The following CACNA1D variants were observed in gnomAD, a reference collection of about 807,000 sequenced individuals.
The protein encoded by CACNA1D is voltage-dependent L-type calcium channel subunit alpha-1D.
CACNA1D carries 55 observed loss-of-function variants against 257.1 expected under a neutral mutation model. The ratio of observed to expected loss-of-function variants is 0.21; its 90% confidence interval spans 0.17 to 0.27. The LOEUF (loss-of-function observed/expected upper bound fraction) is 0.27, where lower values mean the gene tolerates loss of function less well. Among genes scored for constraint, CACNA1D ranks in the 10% least tolerant of loss-of-function variants. CACNA1D has a pLI of 1.00. For missense variants in CACNA1D, 1,876 were observed against 2,784.0 expected (o/e 0.67, Z 7.34); for synonymous variants, 980 against 1,014.9 (o/e 0.97, Z 0.65).
Position 53,494,922 on chromosome 3 carries a change from T to A in CACNA1D, c.-245T>A, listed in dbSNP as rs975918036. ...ATATATACATTGGATTTTATTTTTT[T>A]AAAAAGTTTATTTTGCTCCATTTTT... On this transcript the variant is annotated 5_prime_UTR_variant, in exon 1 of 48. Transcript: ENST00000350061. 1.0e-4 allele frequency: 53 copies of A among 517,160 alleles called. No homozygotes were observed. Among genetic ancestry groups the A allele is most frequent in the Middle Eastern group, 1.0e-3 (2 of 1,922 alleles). The allele number at this position is 517,160 out of a possible 1,614,324, so 32.0% of individuals were successfully genotyped here.
At chr3:53,752,120 T>C (rs972766146) in intron 28 of CACNA1D, among the ~76,000 whole-genome samples, 2 of 152,154 alleles carry the variant, frequency 1.3e-5, no homozygotes, top group Non-Finnish European at 2.9e-5. Flanking sequence ...CCGTACAGCA[T>C]GATGGTAGGT....
chr3:53,543,042 A>G (rs2092334252), intron 3 of CACNA1D, among the ~76,000 whole-genome samples: 2 of 149,140 alleles, frequency 1.3e-5, no homozygotes, highest in South Asian at 4.1e-4. Flanking sequence ...ACAAGAGCGA[A>G]ACTCCGACTA....
rs1358727753 is a variant in CACNA1D at position 53,811,551 on chromosome 3, CAAGA to C, written c.*149_*152del. 1.0e-5 allele frequency: 7 copies of C among 682,318 alleles called. No homozygotes were observed. Among genetic ancestry groups the C allele is most frequent in the Non-Finnish European group, 1.4e-5 (6 of 421,554 alleles). The allele number at this position is 682,318 out of a possible 1,614,324, so 42.3% of individuals were successfully genotyped here. ...CTTTTGTATAAGAGATGTCATGCCT[CAAGA>C]AAGCCATAAACCTGGTAGGAACAGG... is the stretch of plus-strand genomic sequence containing the variant. On this transcript the variant is annotated 3_prime_UTR_variant, in exon 48 of 48. Transcript: ENST00000350061. The surrounding 1 kb of genome is among the most constrained non-coding windows in gnomAD (Gnocchi z 4.2).
chr3:53,697,712 G>A (rs1268585198), intron 8 of CACNA1D, among the ~76,000 whole-genome samples: 1 of 152,064 alleles, frequency 6.6e-6, no homozygotes, highest in East Asian at 1.9e-4. Flanking sequence ...AAGACATGTG[G>A]ACTGATTTTT....
chr3:53,809,785 A>G, intron 46 of CACNA1D, 193 bp from the exon 47 acceptor site: 1 of 622,592 alleles, frequency 1.6e-6, no homozygotes, highest in South Asian at 1.8e-5. Flanking sequence ...GGTAAAAGAA[A>G]GCACAGTCTG....
At chr3:53,638,595 C>T (rs529738794) in intron 3 of CACNA1D, among the ~76,000 whole-genome samples, 1 of 152,220 alleles carries the variant, frequency 6.6e-6, no homozygotes, top group African/African-American at 2.4e-5. Flanking sequence ...CTCATTTGCA[C>T]TTACCAACAA....
intron 3 of CACNA1D, among the ~76,000 whole-genome samples, chr3:53,547,559 CT>C (rs1201998657): frequency 1.3e-5 from 2 of 152,104 alleles, no homozygotes; most frequent in Non-Finnish European, 2.9e-5. Context: ...AGGGTTCTGC[CT>C]TCCTGTATTT....
Position 53,495,165 on chromosome 3 carries a change from G to GGATGAT in CACNA1D, c.17_22dup, listed in dbSNP as rs751190058. ...CAGTAGTCGCTCAATAAATGTTCGT[G>GGATGAT]GATGATGATGATGATGATGATGAAA... is the stretch of plus-strand genomic sequence containing the variant. On this transcript the variant is annotated 5_prime_UTR_variant, in exon 1 of 48. The change creates a new upstream start codon in the 5' untranslated region. Coordinates refer to ENST00000350061, the MANE Select transcript of CACNA1D (RefSeq NM_001128840.3). The surrounding 1 kb of genome is among the most constrained non-coding windows in gnomAD (Gnocchi z 5.1). The GGATGAT allele has an allele frequency of 1.9e-6, 3 of 1,607,292 alleles. No individual in the cohort carries two copies. Among genetic ancestry groups the GGATGAT allele is most frequent in the Non-Finnish European group, 2.6e-6 (3 of 1,175,300 alleles).
chr3:53,736,244 G>C (rs537390957), intron 20 of CACNA1D, among the ~76,000 whole-genome samples: 1 of 152,290 alleles, frequency 6.6e-6, no homozygotes, highest in East Asian at 1.9e-4. Flanking sequence ...AGGAGACTGA[G>C]GGAGGAGGAT....
In CACNA1D at chr3:53,497,474, T is replaced by G. The variant is rs185674174; in HGVS notation, c.377+13T>G. ...TAGTGGAATGGAAGTATCCTTTTTT[T>G]GGGGGAAGTCTTTCTCATTTTCTCT... On this transcript the variant is annotated intron_variant, in intron 2 of 47. Coordinates refer to ENST00000350061, the MANE Select transcript of CACNA1D (RefSeq NM_001128840.3). The G allele has an allele frequency of 3.4e-4, 552 of 1,612,350 alleles. 3 individuals are homozygous for G. Among genetic ancestry groups the G allele is most frequent in the East Asian group, 2.3e-3 (102 of 44,880 alleles).
chr3:53,530,196 G>T (rs897677420), intron 3 of CACNA1D: 2 of 152,204 alleles, frequency 1.3e-5, no homozygotes, highest in Middle Eastern at 3.2e-3. Flanking sequence ...CAGTAAAGTA[G>T]AAATCGTTTA....
At chr3:53,731,585 T>C (rs1305944681) in intron 17 of CACNA1D, among the ~76,000 whole-genome samples, 1 of 152,228 alleles carries the variant, frequency 6.6e-6, no homozygotes, top group African/African-American at 2.4e-5. Context: ...GGTTGTTTTG[T>C]TCTTTCTCTG....
At chr3:53,555,213 G>C (rs117865218) in intron 3 of CACNA1D, among the ~76,000 whole-genome samples, 3 of 152,120 alleles carry the variant, frequency 2.0e-5, no homozygotes, top group Non-Finnish European at 4.4e-5. Flanking sequence ...TTAGTGTCAC[G>C]GGCTTGTGAG....
At position 53,554,740 on chromosome 3, in the gene CACNA1D, T is replaced by G. The variant is rs532322043; in HGVS notation, c.483+53020T>G. ...ACATTGGTGGCTTACATCTTATCCA[T>G]TTGTAACCACCCAGGGACCAGCACA... On this transcript the variant is annotated intron_variant, in intron 3 of 47. Coordinates refer to ENST00000350061, the MANE Select transcript of CACNA1D (RefSeq NM_001128840.3). Among the ~76,000 whole-genome samples, 10 of 152,334 alleles carry G rather than the reference T, an allele frequency of 6.6e-5. No homozygotes were observed. In the East Asian group the frequency reaches 1.9e-3, roughly 29 times the overall value.
chr3:53,661,435 C>T (rs982872959), intron 5 of CACNA1D, among the ~76,000 whole-genome samples: 2 of 152,088 alleles, frequency 1.3e-5, no homozygotes, highest in African/African-American at 4.8e-5. Context: ...AAAAGATCAG[C>T]ACAAGTCAAA....
rs894917686 is a variant in CACNA1D, at chr3:53,583,075, T to C, written c.484-67704T>C. Among the ~76,000 whole-genome samples the C allele has an allele frequency of 5.9e-5, 9 of 152,318 alleles. No individual in the cohort carries two copies. The South Asian group carries it at 1.9e-3, about 32-fold the overall frequency. ...TTCACCATTCTCAGGCACAGCTCAC[T>C]GATCTCCTTAGTCTGTGCACCCCTG... On this transcript the variant is annotated intron_variant, in intron 3 of 47. Coordinates refer to ENST00000350061, the MANE Select transcript of CACNA1D (RefSeq NM_001128840.3).
chr3:53,588,406 G>A (rs2093252968), intron 3 of CACNA1D, among the ~76,000 whole-genome samples: 1 of 152,196 alleles, frequency 6.6e-6, no homozygotes, highest in South Asian at 2.1e-4. Flanking sequence ...ATCTCATGCA[G>A]GTAATCACGG....
At chr3:53,588,753 G>A (rs763785489) in intron 3 of CACNA1D, among the ~76,000 whole-genome samples, 2 of 152,130 alleles carry the variant, frequency 1.3e-5, no homozygotes, top group African/African-American at 4.8e-5. Context: ...TAACCTTAAA[G>A]TGATTTGGTA....
At chr3:53,672,249 A>G (rs2094330000) in intron 7 of CACNA1D, among the ~76,000 whole-genome samples, 1 of 152,190 alleles carries the variant, frequency 6.6e-6, no homozygotes, top group Non-Finnish European at 1.5e-5. Context: ...GGTCATCTAG[A>G]TCAAAGCTAA....
Sources: allele counts gnomAD v4.1 joint callset (sites outside exome capture counted in the v4.1 genomes callset), GRCh38; gene constraint gnomAD v4.1.1; non-coding constraint Gnocchi (gnomAD v3.1); transcripts MANE v1.5; gene names NCBI Gene and HGNC (gene_info 2026-07-23, HGNC 2026-07-21).